Variants in DHX57 observed in about 807,000 individuals in gnomAD.
The protein encoded by DHX57 is putative ATP-dependent RNA helicase DHX57.
Under a neutral mutation model 156.2 loss-of-function variants are expected in DHX57, and 105 were observed. That is an observed-to-expected ratio of 0.67 (90% CI 0.57 to 0.79). DHX57 has a LOEUF of 0.79. Ranked by LOEUF, DHX57 falls within the 30% of genes least tolerant of loss-of-function variation. The pLI is 0.00. For synonymous variants in DHX57, 704 were observed against 595.6 expected (o/e 1.18, Z -2.65); for missense variants, 1,847 against 1,661.9 (o/e 1.11, Z -1.94).
intron 13 of DHX57, among the ~76,000 whole-genome samples, chr2:38,837,536 G>A (rs566596000): frequency 1.7e-3 from 229 of 131,892 alleles, no homozygotes; most frequent in Non-Finnish European, 3.2e-3. Context: ...GCTTGAACCC[G>A]GGAGGCGGAG....
chr2:38,866,995 T>G (rs1354491392), intron 2 of DHX57: 1 of 152,306 alleles, frequency 6.6e-6, no homozygotes, highest in Non-Finnish European at 1.5e-5. Flanking sequence ...AATCCAGTCC[T>G]GCAACTTCCA....
At position 38,826,011 on chromosome 2, in the gene DHX57, G is replaced by A; in HGVS notation, c.2850C>T (p.Asp950=). 6.2e-7 allele frequency: 1 copy of A among 1,614,162 alleles called. No individual in the cohort carries two copies. Among genetic ancestry groups the A allele is most frequent in the Non-Finnish European group, 8.5e-7 (1 of 1,180,018 alleles). The change falls in exon 16 of 24, where the codon GAC becomes GAT. Residue 950 remains aspartate, a synonymous_variant. Coordinates refer to ENST00000457308, the MANE Select transcript of DHX57 (RefSeq NM_198963.3). ...GAGCATTAGCTTGAGATACAAAGGT[G>A]TCCTCTAGACTTTCCATCCCTTTGC... is the stretch of plus-strand genomic sequence containing the variant. The part of the protein sequence containing the change: ...DASKGMESLE[D]TFVSQANALQ...
intron 17 of DHX57, among the ~76,000 whole-genome samples, chr2:38,822,531 C>G (rs1331002677): frequency 6.6e-6 from 1 of 151,894 alleles, no homozygotes; most frequent in South Asian, 2.1e-4. Flanking sequence ...GTAGTTGGGA[C>G]TACATGTGCA....
chr2:38,848,576 T>A (rs1672414049), intron 9 of DHX57, among the ~76,000 whole-genome samples, 174 bp from the exon 10 acceptor site: 1 of 152,152 alleles, frequency 6.6e-6, no homozygotes, highest in African/African-American at 2.4e-5. Context: ...CTATTACAGG[T>A]TGAATATCTG....
rs1670248949 is a variant in DHX57, at chr2:38,811,561, T to C, written c.3681+2260A>G. On this transcript the variant is annotated intron_variant, in intron 21 of 23. Transcript: ENST00000457308. ...TGGCCAACATTGGCCAGGTAGGCAA[T>C]AATGTCATAGCCTTGTTCCTTCAGC... The C allele has an allele frequency of 3.1e-6, 4 of 1,288,010 alleles. No homozygotes were observed. The South Asian group carries it at 4.7e-5, about 15-fold the overall frequency. The allele number at this position is 1,288,010 out of a possible 1,614,324, so 79.8% of individuals were successfully genotyped here.
intron 6 of DHX57, among the ~76,000 whole-genome samples, chr2:38,858,143 C>A (rs1427072160): frequency 6.6e-6 from 1 of 152,176 alleles, no homozygotes; most frequent in Non-Finnish European, 1.5e-5. Context: ...CTCACTGGAA[C>A]CTGCACCACC....
intron 21 of DHX57, among the ~76,000 whole-genome samples, chr2:38,807,695 T>C (rs1670024579): frequency 6.6e-6 from 1 of 151,512 alleles, no homozygotes; most frequent in African/African-American, 2.4e-5. Context: ...TTGCCCAGGC[T>C]GGAGTGCAAC....
At chr2:38,851,359 C>T (rs1231352679) in intron 9 of DHX57, among the ~76,000 whole-genome samples, 2 of 152,164 alleles carry the variant, frequency 1.3e-5, no homozygotes, top group African/African-American at 4.8e-5. Flanking sequence ...ATTAAAATTT[C>T]AAACTAACAC....
Position 38,868,262 on chromosome 2 carries a change from G to A in DHX57, c.144C>T (p.Gly48=), listed in dbSNP as rs138237694. Residue 48 remains glycine (G), a synonymous_variant, in exon 2 of 24, where the codon GGC becomes GGT. Transcript: ENST00000457308. Reference sequence around the variant, plus strand: ...TTCTACTGGAGGCCTTTCTGTTGCCGCCACCTCCACCACCACCACCACCGC... The same window carrying A: ...TTCTACTGGAGGCCTTTCTGTTGCCACCACCTCCACCACCACCACCACCGC... ...GGGGGGGGGG[G]GNRKASSRIW... The A allele has an allele frequency of 2.6e-5, 42 of 1,613,544 alleles. No homozygotes were observed. The highest frequency in any genetic ancestry group is 4.4e-5 in the South Asian group (4 of 91,058).
In DHX57 at chr2:38,863,355, A is replaced by G. The variant is rs913891278; in HGVS notation, c.383+6T>C. 8 of 1,604,266 alleles carry G rather than the reference A, an allele frequency of 5.0e-6. No homozygotes were observed. The highest frequency in any genetic ancestry group is 6.8e-6 in the Non-Finnish European group (8 of 1,177,602). On this transcript the variant is annotated splice_donor_region_variant and intron_variant, in intron 3 of 23. Transcript: ENST00000457308. ...TATAATAATTGACTCAAATAAAACA[A>G]TTTACTCAGATCCAGCATCAGCATC...
intron 2 of DHX57, among the ~76,000 whole-genome samples, chr2:38,864,245 TAAAAA>T (rs146547256): frequency 7.5e-6 from 1 of 132,928 alleles, no homozygotes; most frequent in African/African-American, 2.9e-5. Flanking sequence ...TTCTGATTAT[TAAAAA>T]AAAAAAAAAA....
chr2:38,842,138 G>C (rs1672041050), intron 12 of DHX57, among the ~76,000 whole-genome samples: 1 of 152,178 alleles, frequency 6.6e-6, no homozygotes, highest in Admixed American at 6.5e-5. Flanking sequence ...ATGATGCATT[G>C]AGAAATCAAG....
intron 22 of DHX57, among the ~76,000 whole-genome samples, chr2:38,803,489 ATT>A (rs57123362): frequency 2.5e-3 from 354 of 144,050 alleles, no homozygotes; most frequent in Admixed American, 2.8e-3. Context: ...CAGCTAACAA[ATT>A]TTTTTTTTTT....
intron 19 of DHX57, among the ~76,000 whole-genome samples, chr2:38,817,558 T>C (rs1224039007): frequency 6.6e-6 from 1 of 152,126 alleles, no homozygotes; most frequent in African/African-American, 2.4e-5. Flanking sequence ...TCAAGTGATC[T>C]GCCTCCCTCG....
intron 13 of DHX57, among the ~76,000 whole-genome samples, chr2:38,833,925 C>T (rs1485403006): frequency 6.6e-6 from 1 of 152,076 alleles, no homozygotes; most frequent in African/African-American, 2.4e-5. Flanking sequence ...TCATAAAATA[C>T]ACACAAACCT....
At chr2:38,848,502 G>T in intron 9 of DHX57, 100 bp from the exon 10 acceptor site, 2 of 1,200,460 alleles carry the variant, frequency 1.7e-6, no homozygotes, top group Non-Finnish European at 2.3e-6. Context: ...TAAGATCTCT[G>T]TGAAAAAAAA....
intron 11 of DHX57, among the ~76,000 whole-genome samples, chr2:38,845,460 G>A (rs1054580465): frequency 1.3e-5 from 2 of 152,066 alleles, no homozygotes; most frequent in Admixed American, 6.6e-5. Flanking sequence ...AATTAGGAGG[G>A]GGGCTTATTA....
rs34207268 is a variant in DHX57, at chr2:38,797,901, G to GAAA, written c.*395_*397dup. On this transcript the variant is annotated 3_prime_UTR_variant, in exon 24 of 24. Coordinates refer to ENST00000457308, the MANE Select transcript of DHX57 (RefSeq NM_198963.3). ...CAGTCGAGCCTTGGCGACAGGAAAAGAAAAAAAAAAAAGGCGTATTTCTCT... is the reference window on the plus strand; with the variant it reads ...CAGTCGAGCCTTGGCGACAGGAAAAGAAAAAAAAAAAAAAAGGCGTATTTCTCT... 7.5e-5 allele frequency: 12 copies of GAAA among 159,464 alleles called. No individual in the cohort carries two copies. Among genetic ancestry groups the GAAA allele is most frequent in the Non-Finnish European group, 1.5e-5 (1 of 67,614 alleles). 9.9% of individuals were successfully genotyped at this position (159,464 alleles called of 1,614,324 possible).
intron 21 of DHX57, among the ~76,000 whole-genome samples, chr2:38,810,246 AGCT>A (rs1390197925): frequency 6.8e-6 from 1 of 146,666 alleles, no homozygotes; most frequent in African/African-American, 2.5e-5. Flanking sequence ...TCCCCACTGT[AGCT>A]GCCCCTCACC....
Sources: gnomAD v4.1 joint callset for allele counts (sites outside exome capture counted in the v4.1 genomes callset) on GRCh38, gnomAD v4.1.1 for gene constraint, MANE v1.5 for transcripts, NCBI Gene and HGNC (gene_info 2026-07-23, HGNC 2026-07-21) for gene names.